RANGAP1: variants seen among roughly 807,000 people sequenced by gnomAD.
RANGAP1 encodes Ran GTPase activating protein 1.
In RANGAP1, 38 loss-of-function variants were observed where a neutral mutation model predicts 63.5. The observed-to-expected ratio is 0.60, with a 90% CI of 0.46 to 0.78. The LOEUF is 0.78. Among genes scored for constraint, RANGAP1 ranks in the 30% least tolerant of loss-of-function variants. The probability of loss-of-function intolerance (pLI) is 0.00; values close to 1 mark genes in which losing one functional copy is unlikely to be tolerated. For synonymous variants in RANGAP1, 329 were observed against 310.5 expected (o/e 1.06, Z -0.63); for missense variants, 630 against 740.3 (o/e 0.85, Z 1.73).
chr22:41,261,580 T>G lies in RANGAP1; in HGVS notation c.481A>C (p.Ile161Leu). ...NCGMGIGGGK[I>L]LAAALTECHR... ...CATTCGGTCAGAGCTGCAGCCAGGA[T>G]CTGTGGGGAAAGGCAAGGGGCCCTG... is the stretch of plus-strand genomic sequence containing the variant. Residue 161 changes from isoleucine (I) to leucine (L), a missense_variant and splice_region_variant, in exon 6 of 16, where the codon ATC (isoleucine) becomes CTC (leucine). This residue lies in a region of RANGAP1 where 137 missense variants were observed against 214.3 expected (regional missense o/e 0.64). Coordinates refer to ENST00000356244, the MANE Select transcript of RANGAP1 (RefSeq NM_002883.4). 1 of 1,614,172 alleles carries G rather than the reference T, an allele frequency of 6.2e-7. No individual in the cohort carries two copies. Among genetic ancestry groups the G allele is most frequent in the Non-Finnish European group, 8.5e-7 (1 of 1,180,044 alleles).
intron 1 of RANGAP1, chr22:41,285,753 G>A (rs2035721359): frequency 2.1e-6 from 2 of 935,582 alleles, no homozygotes; most frequent in Non-Finnish European, 1.3e-6. Context: ...TGCAGGCTGA[G>A]CTGCTCTGGC....
chr22:41,287,573 G>A (rs2145872922), upstream of RANGAP1, among the ~76,000 whole-genome samples: 1 of 151,942 alleles, frequency 6.6e-6, no homozygotes, highest in South Asian at 2.1e-4. Context: ...GAGGCAGGAG[G>A]ATCTGGAGCC....
intron 6 of RANGAP1, among the ~76,000 whole-genome samples, chr22:41,261,039 C>T (rs2034136939): frequency 6.6e-6 from 1 of 152,142 alleles, no homozygotes; most frequent in African/African-American, 2.4e-5. Flanking sequence ...TGCGGCTGCC[C>T]CTGCCTATCT....
chr22:41,273,153 G>T (rs1055640276), intron 3 of RANGAP1, among the ~76,000 whole-genome samples: 1 of 152,112 alleles, frequency 6.6e-6, no homozygotes, highest in East Asian at 1.9e-4. Flanking sequence ...TATAAATGGA[G>T]ACTCAACCCA....
chr22:41,256,315 G>C lies in RANGAP1; in HGVS notation c.889-25C>G, dbSNP rs1320589999. 8 of 1,609,916 alleles carry C rather than the reference G, an allele frequency of 5.0e-6. No homozygotes were observed. The South Asian group carries it at 8.8e-5, about 18-fold the overall frequency. On this transcript the variant is annotated intron_variant, in intron 8 of 15. Coordinates refer to ENST00000356244, the MANE Select transcript of RANGAP1 (RefSeq NM_002883.4). ...CCTGAAAATAAGAGGAAGGGTTGGAGGCAGGCAGAAACCCGGGCCAGGACA... is the reference window on the plus strand; with the variant it reads ...CCTGAAAATAAGAGGAAGGGTTGGACGCAGGCAGAAACCCGGGCCAGGACA...
chr22:41,276,939 C>T (rs2035182150), intron 2 of RANGAP1, among the ~76,000 whole-genome samples: 2 of 147,184 alleles, frequency 1.4e-5, no homozygotes, highest in East Asian at 2.1e-4. Context: ...TGAGCGAGAT[C>T]TTGCCACTGC....
At chr22:41,260,476 C>T (rs1364251855) in intron 6 of RANGAP1, among the ~76,000 whole-genome samples, 1 of 152,186 alleles carries the variant, frequency 6.6e-6, no homozygotes, top group Non-Finnish European at 1.5e-5. Flanking sequence ...TACAGACAGC[C>T]TCGATGGGCA....
intron 2 of RANGAP1, among the ~76,000 whole-genome samples, chr22:41,276,307 T>C (rs536192850): frequency 6.6e-6 from 1 of 152,304 alleles, no homozygotes; most frequent in African/African-American, 2.4e-5. Flanking sequence ...TCAGGTTATA[T>C]AGCAGCTTTT....
At chr22:41,250,739 C>T (rs1297608482) in intron 13 of RANGAP1, among the ~76,000 whole-genome samples, 2 of 152,142 alleles carry the variant, frequency 1.3e-5, no homozygotes, top group Non-Finnish European at 2.9e-5. Flanking sequence ...ATGTGACTAT[C>T]TGGACTTCCT....
At chr22:41,256,874 G>A in intron 7 of RANGAP1, 50 bp from the exon 8 acceptor site, 1 of 1,506,568 alleles carries the variant, frequency 6.6e-7, no homozygotes, top group South Asian at 1.1e-5. Context: ...CCACACCCCA[G>A]CCCTCAGCAA....
In RANGAP1 at chr22:41,264,533, C is replaced by T. The variant is rs558629958; in HGVS notation, c.480+131G>A. On this transcript the variant is annotated intron_variant, in intron 5 of 15. Transcript: ENST00000356244. Reference sequence around the variant, plus strand: ...CTACCCTCCGGCCACAGGCTGTTGCCTTTGAGGCCTTTCTCTTTTGAAAAC... The same window carrying T: ...CTACCCTCCGGCCACAGGCTGTTGCTTTTGAGGCCTTTCTCTTTTGAAAAC... 3.4e-4 allele frequency: 402 copies of T among 1,198,422 alleles called. 1 individual carries two copies. The highest frequency in any genetic ancestry group is 4.2e-4 in the Non-Finnish European group (370 of 885,680). The allele number at this position is 1,198,422 out of a possible 1,614,324, so 74.2% of individuals were successfully genotyped here. A position where few individuals can be genotyped will look rare whatever the true frequency, so the allele number is the denominator to read the frequency against.
At chr22:41,295,506 T>C in the RANGAP1 span, among the ~76,000 whole-genome samples, 1 of 151,680 alleles carries the variant, frequency 6.6e-6, no homozygotes, top group African/African-American at 2.4e-5. Flanking sequence ...GGCAGCATGC[T>C]CCTTAAGAGT....
chr22:41,274,455 T>C (rs868498269), intron 3 of RANGAP1, 145 bp downstream of exon 3: 5 of 1,243,948 alleles, frequency 4.0e-6, no homozygotes, highest in African/African-American at 1.5e-5. Context: ...CTGTGTGCCC[T>C]GGGGAGGCCA....
chr22:41,291,742 T>C, the RANGAP1 span, among the ~76,000 whole-genome samples: 1 of 149,630 alleles, frequency 6.7e-6, no homozygotes, highest in Non-Finnish European at 1.5e-5. Context: ...ACTAAAAAAA[T>C]ACAAAAAAAT....
rs143240677 is a variant in RANGAP1 at position 41,264,736 on chromosome 22, G to C, written c.408C>G (p.Leu136=). The stretch of plus-strand genomic sequence containing the variant: ...GCAGGGTGAAGCAGGCTGAGCTCTT[G>C]AGCAGGGCCTCGAAGCCTTGCACAC... ...PDGVQGFEAL[L]KSSACFTLQE... The change falls in exon 5 of 16, where the codon CTC becomes CTG. Residue 136 remains leucine, a synonymous_variant. Transcript: ENST00000356244. 66 of 1,614,108 alleles carry C rather than the reference G, an allele frequency of 4.1e-5. No homozygotes were observed. The African/African-American group carries it at 7.6e-4, about 19-fold the overall frequency.
At chr22:41,278,383 C>T (rs1301404419) in intron 2 of RANGAP1, among the ~76,000 whole-genome samples, 2 of 152,214 alleles carry the variant, frequency 1.3e-5, no homozygotes, top group Non-Finnish European at 2.9e-5. Context: ...AAGCTGTGCC[C>T]TTAGGCATGT....
chr22:41,266,082 G>C (rs994430679), intron 4 of RANGAP1, among the ~76,000 whole-genome samples: 1 of 152,012 alleles, frequency 6.6e-6, no homozygotes, highest in Non-Finnish European at 1.5e-5. Context: ...GGCGCCTGTA[G>C]TCCCAGCTAC....
At chr22:41,256,653 C>A (rs2033854795) in intron 8 of RANGAP1, 58 bp downstream of exon 8, 2 of 1,498,702 alleles carry the variant, frequency 1.3e-6, no homozygotes, top group Admixed American at 3.5e-5. Flanking sequence ...CCTGTGCCCC[C>A]AGCCGCCCCA....
At chr22:41,272,624 G>A (rs1437507975) in intron 3 of RANGAP1, among the ~76,000 whole-genome samples, 1 of 151,994 alleles carries the variant, frequency 6.6e-6, no homozygotes, top group Non-Finnish European at 1.5e-5. Context: ...GGTTTCAAGT[G>A]ATTCTCCTGC....
Sources: allele counts gnomAD v4.1 joint callset (sites outside exome capture counted in the v4.1 genomes callset), GRCh38; gene constraint gnomAD v4.1.1; regional missense constraint gnomAD v4.1.1; transcripts MANE v1.5; gene names NCBI Gene and HGNC (gene_info 2026-07-23, HGNC 2026-07-21).